ABLIM3: variants seen among roughly 807,000 people sequenced by gnomAD.
ABLIM3 encodes actin-binding LIM protein 3.
A neutral mutation model predicts 109.5 loss-of-function variants in ABLIM3; 61 were observed. That is an observed-to-expected ratio of 0.56 (90% CI 0.45 to 0.69). The LOEUF is 0.69. ABLIM3 is among the 30% of genes least tolerant of loss of function. ABLIM3 has a pLI of 0.00. For synonymous variants in ABLIM3, 300 were observed against 324.8 expected, an observed-to-expected ratio of 0.92 and a Z score of 0.82; for missense variants, 796 against 889.5, an observed-to-expected ratio of 0.89 and a Z score of 1.34.
intron 2 of ABLIM3, among the ~76,000 whole-genome samples, chr5:149,171,685 C>G (rs771437274): frequency 6.6e-6 from 1 of 152,302 alleles, no homozygotes; most frequent in South Asian, 2.1e-4. Flanking sequence ...ATGTGGACTT[C>G]GGGTTGAGAG....
At chr5:149,194,083 CA>C (rs1490428851) in intron 3 of ABLIM3, among the ~76,000 whole-genome samples, 2 of 152,008 alleles carry the variant, frequency 1.3e-5, no homozygotes, top group Non-Finnish European at 2.9e-5. Flanking sequence ...ACAAATTCAA[CA>C]ACGTAAAAAC....
rs1013970954 is a variant in ABLIM3, at chr5:149,155,827, G to T, written c.13+13719G>T. Among the ~76,000 whole-genome samples, 4 of 152,200 alleles carry T rather than the reference G, an allele frequency of 2.6e-5. No homozygotes were observed. The East Asian group carries it at 7.7e-4, about 29-fold the overall frequency. On this transcript the variant is annotated intron_variant, in intron 2 of 23. Coordinates refer to ENST00000309868, the MANE Select transcript of ABLIM3 (RefSeq NM_014945.5). ...TGAGAAAACGCTGGGAGTTGGTGAG[G>T]ATCAGCTCTTTGAGAGGGTCAGATG...
chr5:149,167,739 GA>G (rs1335809177), intron 2 of ABLIM3, among the ~76,000 whole-genome samples: 1 of 152,114 alleles, frequency 6.6e-6, no homozygotes, highest in Non-Finnish European at 1.5e-5. Context: ...CCCAATGGAG[GA>G]AATAAACATT....
At position 149,250,433 on chromosome 5, in the gene ABLIM3, A is replaced by G. The variant is rs1175597516; in HGVS notation, c.1730-14A>G. ...TTGGGACTCCTGATAATTGCTCTAG[A>G]TCCTTCTTTTCAGATCCTCTCATCT... On this transcript the variant is annotated splice_polypyrimidine_tract_variant and intron_variant, in intron 19 of 23. Coordinates refer to ENST00000309868, the MANE Select transcript of ABLIM3 (RefSeq NM_014945.5). The G allele has an allele frequency of 2.5e-6, 4 of 1,613,916 alleles. No homozygotes were observed. The South Asian group carries it at 4.4e-5, about 18-fold the overall frequency.
At chr5:149,171,626 T>C (rs1365116526) in intron 2 of ABLIM3, among the ~76,000 whole-genome samples, 1 of 152,190 alleles carries the variant, frequency 6.6e-6, no homozygotes, top group African/African-American at 2.4e-5. Flanking sequence ...GCTTCTGCTT[T>C]CTGTGAAGGT....
rs1188005248 is a variant in ABLIM3 at position 149,197,126 on chromosome 5, A to G, written c.152-1093A>G. Among the ~76,000 whole-genome samples, 3 of 152,128 alleles carry G rather than the reference A, an allele frequency of 2.0e-5. No individual in the cohort carries two copies. The East Asian group carries it at 5.8e-4, about 29-fold the overall frequency. On this transcript the variant is annotated intron_variant, in intron 3 of 23. Coordinates refer to ENST00000309868, the MANE Select transcript of ABLIM3 (RefSeq NM_014945.5). ...TTTTCTAAATTTTTCTAAACTAGGG[A>G]AAAAAACGTCCACGGCTCTTCAGTA...
chr5:149,258,958 T>C lies in ABLIM3; in HGVS notation c.*554T>C, dbSNP rs552028106. The C allele has an allele frequency of 3.5e-5, 35 of 990,508 alleles. No homozygotes were observed. In the African/African-American group the frequency reaches 5.7e-4, roughly 16 times the overall value. The allele number at this position is 990,508 out of a possible 1,614,324, so 61.4% of individuals were successfully genotyped here. A position where few individuals can be genotyped will look rare whatever the true frequency, so the allele number is the denominator to read the frequency against. ...TTAAAAGGGTGAGCCTCAAATCTAG[T>C]CATTACACCAGTCAACAGAAGTGGA... On this transcript the variant is annotated 3_prime_UTR_variant, in exon 24 of 24. Coordinates refer to ENST00000309868, the MANE Select transcript of ABLIM3 (RefSeq NM_014945.5).
At chr5:149,221,181 C>T (rs1001241457) in intron 8 of ABLIM3, among the ~76,000 whole-genome samples, 1 of 152,146 alleles carries the variant, frequency 6.6e-6, no homozygotes, top group South Asian at 2.1e-4. Context: ...ACAGTGAGTG[C>T]AAAGGCCCTC....
rs1182962271 is a variant in ABLIM3 at position 149,215,631 on chromosome 5, G to A, written c.670-1328G>A. On this transcript the variant is annotated intron_variant, in intron 7 of 23. Coordinates refer to ENST00000309868, the MANE Select transcript of ABLIM3 (RefSeq NM_014945.5). ...TTAGCATCAGATCAAGTGATGGCTT[G>A]GACAGGGACCTTTAAGAACCCCTAA... Among the ~76,000 whole-genome samples the A allele has an allele frequency of 2.0e-5, 3 of 152,116 alleles. No individual in the cohort carries two copies. The East Asian group carries it at 5.8e-4, about 29-fold the overall frequency.
At chr5:149,232,434 G>A (rs1279475936) in intron 9 of ABLIM3, among the ~76,000 whole-genome samples, 2 of 152,158 alleles carry the variant, frequency 1.3e-5, no homozygotes, top group Non-Finnish European at 2.9e-5. Context: ...CTAACTCTAT[G>A]ATTCAGTATT....
chr5:149,228,865 G>A (rs1761567613), intron 8 of ABLIM3, among the ~76,000 whole-genome samples: 1 of 152,128 alleles, frequency 6.6e-6, no homozygotes, highest in Admixed American at 6.6e-5. Flanking sequence ...TTATTTCAGA[G>A]TGAAATGCCA....
intron 7 of ABLIM3, among the ~76,000 whole-genome samples, chr5:149,213,766 G>A (rs141932342): frequency 2.6e-5 from 4 of 151,768 alleles, no homozygotes; most frequent in African/African-American, 7.3e-5. Context: ...ACTGAGTTTC[G>A]ATTGATCCCA....
chr5:149,237,728 G>A, intron 11 of ABLIM3, 125 bp downstream of exon 11: 1 of 1,263,492 alleles, frequency 7.9e-7, no homozygotes, highest in Non-Finnish European at 1.1e-6. Context: ...TTCTACACTG[G>A]GATTTATGGC....
At chr5:149,168,502 C>T (rs1755039675) in intron 2 of ABLIM3, among the ~76,000 whole-genome samples, 1 of 152,304 alleles carries the variant, frequency 6.6e-6, no homozygotes, top group South Asian at 2.1e-4. Context: ...AGCATAGCCA[C>T]CTGTGTTGTT....
At chr5:149,205,847 A>G (rs1758913868) in intron 5 of ABLIM3, among the ~76,000 whole-genome samples, 1 of 152,120 alleles carries the variant, frequency 6.6e-6, no homozygotes, top group Non-Finnish European at 1.5e-5. Flanking sequence ...CACTTCATCA[A>G]GGCCCCAGAC....
chr5:149,227,640 A>AG (rs1388793434), intron 8 of ABLIM3, among the ~76,000 whole-genome samples: 56 of 152,272 alleles, frequency 3.7e-4, no homozygotes, highest in South Asian at 2.1e-4. Flanking sequence ...TGGCTTCTGC[A>AG]GGGGGGCCCA....
intron 8 of ABLIM3, among the ~76,000 whole-genome samples, chr5:149,225,980 G>GTGTA (rs1403586768): frequency 1.3e-3 from 28 of 21,910 alleles, no homozygotes; most frequent in Admixed American, 4.4e-3. Context: ...GTGTGTGTGT[G>GTGTA]TGTATATATA....
chr5:149,187,823 T>G (rs1194753343), intron 3 of ABLIM3, among the ~76,000 whole-genome samples: 6 of 152,160 alleles, frequency 3.9e-5, no homozygotes, highest in Non-Finnish European at 7.3e-5. Context: ...ACTCACCCCG[T>G]CATTCTCTTT....
intron 14 of ABLIM3, 85 bp downstream of exon 14, chr5:149,240,859 C>T: frequency 1.5e-6 from 2 of 1,296,678 alleles, no homozygotes; most frequent in Admixed American, 3.5e-5. Flanking sequence ...CGATGCCACA[C>T]AGGCACCAAG....
Sources: allele counts gnomAD v4.1 joint callset (sites outside exome capture counted in the v4.1 genomes callset), GRCh38; gene constraint gnomAD v4.1.1; transcripts MANE v1.5; gene names NCBI Gene and HGNC (gene_info 2026-07-23, HGNC 2026-07-21).